Variants in COL25A1 observed in about 807,000 individuals in gnomAD.
The protein encoded by COL25A1 is collagen type XXV alpha 1 chain.
Under a neutral mutation model 128.4 loss-of-function variants are expected in COL25A1, and 103 were observed. That is an observed-to-expected ratio of 0.80 (90% CI 0.68 to 0.94). The LOEUF is 0.94. COL25A1 is among the 40% of genes least tolerant of loss of function. The probability of loss-of-function intolerance (pLI) is 0.00; values close to 1 mark genes in which losing one functional copy is unlikely to be tolerated. For missense variants in COL25A1, 745 were observed against 840.0 expected (o/e 0.89, Z 1.40); for synonymous variants, 279 against 277.2 (o/e 1.01, Z -0.06).
intron 3 of COL25A1, among the ~76,000 whole-genome samples, chr4:109,211,199 AT>A (rs995734387): frequency 6.9e-6 from 1 of 145,978 alleles, no homozygotes; most frequent in Admixed American, 6.9e-5. Flanking sequence ...AAAAGAAAAT[AT>A]TTTTAAATAC....
chr4:109,024,637 T>A (rs75447536), intron 5 of COL25A1, among the ~76,000 whole-genome samples: 62 of 152,266 alleles, frequency 4.1e-4, no homozygotes, highest in Non-Finnish European at 6.6e-4. Context: ...ACTAGCCCCA[T>A]CTCATGATTA....
intron 3 of COL25A1, among the ~76,000 whole-genome samples, chr4:109,158,373 C>T (rs999500678): frequency 2.0e-5 from 3 of 151,450 alleles, no homozygotes; most frequent in African/African-American, 7.3e-5. Flanking sequence ...CCAACTAAAA[C>T]CCTTCTAGGA....
chr4:109,143,833 T>A (rs1469209514), intron 3 of COL25A1, among the ~76,000 whole-genome samples: 1 of 152,200 alleles, frequency 6.6e-6, no homozygotes, highest in Non-Finnish European at 1.5e-5. Flanking sequence ...TGCATTGGGT[T>A]ACAGCATGCT....
intron 3 of COL25A1, among the ~76,000 whole-genome samples, chr4:109,253,016 C>A (rs1780770593): frequency 6.6e-6 from 1 of 152,168 alleles, no homozygotes. Context: ...CTTCGTGTAA[C>A]TTACTTGTGT....
intron 19 of COL25A1, among the ~76,000 whole-genome samples, chr4:108,879,549 G>A (rs1739866100): frequency 6.6e-6 from 1 of 152,124 alleles, no homozygotes. Flanking sequence ...CCAGGTTCAA[G>A]TGATTCTCCT....
intron 19 of COL25A1, among the ~76,000 whole-genome samples, chr4:108,877,544 A>AT (rs1739597550): frequency 6.6e-6 from 1 of 152,160 alleles, no homozygotes; most frequent in African/African-American, 2.4e-5. Flanking sequence ...TTAAGGTAAG[A>AT]TTTTTGACTG....
intron 3 of COL25A1, among the ~76,000 whole-genome samples, chr4:109,084,856 T>C (rs980655823): frequency 2.0e-5 from 3 of 152,228 alleles, no homozygotes; most frequent in African/African-American, 7.2e-5. Flanking sequence ...AGTACTCCTT[T>C]GTTTTTGTTT....
Position 108,940,610 on chromosome 4 carries a change from CA to C in COL25A1, c.600del (p.Gly201AlafsTer35). 6.2e-7 allele frequency: 1 copy of C among 1,609,780 alleles called. No individual in the cohort carries two copies. Among genetic ancestry groups the C allele is most frequent in the Non-Finnish European group, 8.5e-7 (1 of 1,177,852 alleles). On this transcript the variant is annotated frameshift_variant, in exon 10 of 38. Coordinates refer to ENST00000399132, the MANE Select transcript of COL25A1 (RefSeq NM_198721.4). LOFTEE classifies it high-confidence loss of function. ...DQGQAGPPGP[P>X]GPPGPRGPPG... Reference sequence around the variant, plus strand: ...GGTGGCCCTCTTGGGCCTGGAGGGCCAGGGGGTCCTGGAGGCCCTGCCTGTC... The same window carrying C: ...GGTGGCCCTCTTGGGCCTGGAGGGCCGGGGGTCCTGGAGGCCCTGCCTGTC...
In COL25A1 at chr4:109,142,044, A is replaced by G. The variant is rs142214316; in HGVS notation, c.368-91865T>C. 7.6e-3 allele frequency among the ~76,000 whole-genome samples: 1,155 copies of G among 152,170 alleles called. 61 individuals carry two copies. The South Asian group carries it at 0.13, about 18-fold the overall frequency. ...AGGGTGTCGATTTTAGATCTTTCCC[A>G]CTTTCTCCTGTGGGCATTTAGTGCT... On this transcript the variant is annotated intron_variant, in intron 3 of 37. Transcript: ENST00000399132.
chr4:109,156,862 G>A (rs1446498399), intron 3 of COL25A1, among the ~76,000 whole-genome samples: 3 of 152,160 alleles, frequency 2.0e-5, no homozygotes, highest in African/African-American at 7.2e-5. Context: ...TATAGGTACT[G>A]TACCTTTCAT....
Position 109,254,505 on chromosome 4 carries a change from A to ATATATGTGTG in COL25A1, c.367+46077_367+46078insCACACATATA, listed in dbSNP as rs1383703429. Among the ~76,000 whole-genome samples, 69 of 105,012 alleles carry ATATATGTGTG rather than the reference A, an allele frequency of 6.6e-4. 1 individual carries two copies. The highest frequency in any genetic ancestry group is 3.7e-3 in the East Asian group (12 of 3,272). The allele number at this position is 105,012 out of a possible 152,430, so 68.9% of individuals were successfully genotyped here. ...TATATATATATATATATATATATAT[A>ATATATGTGTG]TGTATGTGTGTATATACATATACAT... is the stretch of plus-strand genomic sequence containing the variant. On this transcript the variant is annotated intron_variant, in intron 3 of 37. Transcript: ENST00000399132.
chr4:108,994,191 C>A (rs1016437109), intron 6 of COL25A1, among the ~76,000 whole-genome samples: 2 of 152,192 alleles, frequency 1.3e-5, no homozygotes, highest in African/African-American at 4.8e-5. Context: ...GGGGGATTTC[C>A]CTTTCCTAGC....
chr4:109,093,973 T>A (rs1173365150), intron 3 of COL25A1, among the ~76,000 whole-genome samples: 2 of 152,170 alleles, frequency 1.3e-5, no homozygotes, highest in African/African-American at 4.8e-5. Flanking sequence ...AAAGACATTG[T>A]AATGTCACAG....
intron 5 of COL25A1, among the ~76,000 whole-genome samples, chr4:109,036,236 G>T (rs1219464019): frequency 6.6e-6 from 1 of 150,452 alleles, no homozygotes; most frequent in Non-Finnish European, 1.5e-5. Flanking sequence ...CCAAACTAAA[G>T]ATTTAAAAAG....
At chr4:109,278,013 T>C (rs1723011011) in intron 3 of COL25A1, among the ~76,000 whole-genome samples, 2 of 151,908 alleles carry the variant, frequency 1.3e-5, no homozygotes, top group Non-Finnish European at 2.9e-5. Context: ...CACATACCTG[T>C]AGTCCCAGTT....
chr4:109,006,946 A>C (rs1387294517), intron 6 of COL25A1, among the ~76,000 whole-genome samples: 1 of 152,166 alleles, frequency 6.6e-6, no homozygotes, highest in Non-Finnish European at 1.5e-5. Context: ...AAGAATAGCT[A>C]ATGGATTCTG....
Position 109,265,518 on chromosome 4 carries a change from C to CGTGTGTGTGTGT in COL25A1, c.367+35053_367+35064dup, listed in dbSNP as rs57643656. ...GTGTTTTCTTACAGTAATAACAGTA[C>CGTGTGTGTGTGT]GTGTGTGTGTGTGTGTGTGTGTGTG... is the stretch of plus-strand genomic sequence containing the variant. On this transcript the variant is annotated intron_variant, in intron 3 of 37. Coordinates refer to ENST00000399132, the MANE Select transcript of COL25A1 (RefSeq NM_198721.4). Among the ~76,000 whole-genome samples, 152 of 129,700 alleles carry CGTGTGTGTGTGT rather than the reference C, an allele frequency of 1.2e-3. 2 individuals are homozygous for CGTGTGTGTGTGT. Among genetic ancestry groups the CGTGTGTGTGTGT allele is most frequent in the Non-Finnish European group, 2.0e-3 (117 of 59,416 alleles). 85.1% of individuals were successfully genotyped at this position (129,700 alleles called of 152,430 possible). A position where few individuals can be genotyped will look rare whatever the true frequency, so the allele number is the denominator to read the frequency against.
chr4:108,817,582 A>G (rs1731361518), intron 36 of COL25A1, 147 bp from the exon 37 acceptor site: 1 of 634,708 alleles, frequency 1.6e-6, no homozygotes, highest in Non-Finnish European at 2.8e-6. Flanking sequence ...AACTCCCGAT[A>G]TATTTCCCAG....
intron 8 of COL25A1, among the ~76,000 whole-genome samples, chr4:108,947,640 TAA>T (rs1463386460): frequency 2.0e-5 from 3 of 152,190 alleles, no homozygotes; most frequent in Non-Finnish European, 4.4e-5. Flanking sequence ...GGAGGAATGG[TAA>T]TTCTCCTCAC....
Sources: allele counts gnomAD v4.1 joint callset (sites outside exome capture counted in the v4.1 genomes callset), GRCh38; gene constraint gnomAD v4.1.1; transcripts MANE v1.5; gene names NCBI Gene and HGNC (gene_info 2026-07-23, HGNC 2026-07-21).